AFG2A: variants seen among roughly 807,000 people sequenced by gnomAD.
The protein encoded by AFG2A is ATPase family gene 2 protein homolog A.
At chr4:122,968,882 C>A in the AFG2A span, among the ~76,000 whole-genome samples, 1 of 151,934 alleles carries the variant, frequency 6.6e-6, no homozygotes, top group Non-Finnish European at 1.5e-5. Flanking sequence ...AGTCTGAGTA[C>A]TTTTTATATT....
chr4:123,045,280 G>C, the AFG2A span, among the ~76,000 whole-genome samples: 1 of 151,276 alleles, frequency 6.6e-6, no homozygotes, highest in African/African-American at 2.4e-5. Flanking sequence ...GCTGCCATAT[G>C]CCCCATCACA....
At chr4:122,967,126 G>C in the AFG2A span, among the ~76,000 whole-genome samples, 2 of 152,100 alleles carry the variant, frequency 1.3e-5, no homozygotes, top group African/African-American at 4.8e-5. Flanking sequence ...AAACCAGTTC[G>C]GTGCAGTGGC....
chr4:122,994,667 T>C, the AFG2A span, among the ~76,000 whole-genome samples: 1 of 151,432 alleles, frequency 6.6e-6, no homozygotes, highest in Non-Finnish European at 1.5e-5. Flanking sequence ...AGCTAATGTA[T>C]AAACCATTAG....
chr4:123,068,387 T>C, the AFG2A span, among the ~76,000 whole-genome samples: 1 of 152,218 alleles, frequency 6.6e-6, no homozygotes, highest in African/African-American at 2.4e-5. Flanking sequence ...TGTCACCTAA[T>C]CTTCAGCATT....
At chr4:123,213,770 A>G in the AFG2A span, among the ~76,000 whole-genome samples, 1 of 152,232 alleles carries the variant, frequency 6.6e-6, no homozygotes, top group African/African-American at 2.4e-5. Flanking sequence ...GATGCCTAGC[A>G]TGGAACACTT....
At chr4:122,947,408 C>G in the AFG2A span, 2 of 1,614,120 alleles carry the variant, frequency 1.2e-6, no homozygotes, top group Non-Finnish European at 1.7e-6. Flanking sequence ...CATTTGCTCA[C>G]TGAGGCTGAG....
At chr4:122,951,840 G>T in the AFG2A span, among the ~76,000 whole-genome samples, 7 of 152,290 alleles carry the variant, frequency 4.6e-5, no homozygotes, top group East Asian at 1.4e-3. Context: ...CAGACATTGG[G>T]CCCTGTCTAT....
chr4:123,136,622 C>T, the AFG2A span, among the ~76,000 whole-genome samples: 1 of 151,530 alleles, frequency 6.6e-6, no homozygotes, highest in East Asian at 1.9e-4. Context: ...TGCAGTGAGC[C>T]GAGATCGCAC....
chr4:123,221,841 C>G, the AFG2A span, among the ~76,000 whole-genome samples: 1 of 151,946 alleles, frequency 6.6e-6, no homozygotes, highest in Non-Finnish European at 1.5e-5. Context: ...GCAGGAGAAT[C>G]ATTTGAACCC....
chr4:123,294,712 A>G, the AFG2A span, among the ~76,000 whole-genome samples: 5 of 152,202 alleles, frequency 3.3e-5, no homozygotes, highest in Admixed American at 2.6e-4. Flanking sequence ...GTGGGTTGTA[A>G]GTACCCAACC....
At chr4:123,018,559 C>T in the AFG2A span, among the ~76,000 whole-genome samples, 1 of 152,072 alleles carries the variant, frequency 6.6e-6, no homozygotes, top group Non-Finnish European at 1.5e-5. Flanking sequence ...TTTATGATTT[C>T]ATGGTAGTGT....
At chr4:123,049,242 G>C in the AFG2A span, among the ~76,000 whole-genome samples, 2 of 152,074 alleles carry the variant, frequency 1.3e-5, no homozygotes, top group African/African-American at 4.8e-5. Context: ...TCTTTTTAAT[G>C]TATTATTGAG....
chr4:123,209,263 C>G, the AFG2A span, among the ~76,000 whole-genome samples: 1 of 152,046 alleles, frequency 6.6e-6, no homozygotes, highest in African/African-American at 2.4e-5. Flanking sequence ...GACACTGTCT[C>G]TAGGTAGACA....
chr4:123,015,736 GCTC>G, the AFG2A span, among the ~76,000 whole-genome samples: 2 of 151,002 alleles, frequency 1.3e-5, no homozygotes, highest in African/African-American at 4.9e-5. Flanking sequence ...GGGCAGAGGG[GCTC>G]CTCACTTCCC....
At chr4:123,055,015 C>G in the AFG2A span, among the ~76,000 whole-genome samples, 1 of 152,152 alleles carries the variant, frequency 6.6e-6, no homozygotes, top group African/African-American at 2.4e-5. Flanking sequence ...ACTTAACTTT[C>G]ATAAAACCCT....
chr4:123,295,573 AG>A, the AFG2A span, among the ~76,000 whole-genome samples: 1 of 152,266 alleles, frequency 6.6e-6, no homozygotes, highest in Non-Finnish European at 1.5e-5. Context: ...AAAAAGACAA[AG>A]CAGAGCCAGA....
At chr4:123,003,543 G>C in the AFG2A span, among the ~76,000 whole-genome samples, 3 of 152,294 alleles carry the variant, frequency 2.0e-5, no homozygotes, top group African/African-American at 7.2e-5. Flanking sequence ...CTCAGCTGCA[G>C]GTCTGTTGGA....
At chr4:123,214,427 T>A in the AFG2A span, among the ~76,000 whole-genome samples, 1 of 152,066 alleles carries the variant, frequency 6.6e-6, no homozygotes, top group Admixed American at 6.6e-5. Context: ...CAATAGGGCA[T>A]TAACATTGAT....
the AFG2A span, among the ~76,000 whole-genome samples, chr4:123,246,723 A>G: frequency 1.5e-3 from 222 of 152,184 alleles, 1 homozygote; most frequent in African/African-American, 5.2e-3. Context: ...ATACCCTCTA[A>G]TCCATTCCCA....
Sources: allele counts gnomAD v4.1 joint callset (sites outside exome capture counted in the v4.1 genomes callset), GRCh38; gene constraint gnomAD v4.1.1; transcripts MANE v1.5; gene names NCBI Gene and HGNC (gene_info 2026-07-23, HGNC 2026-07-21).